The following MBTPS1 variants were observed in gnomAD, a reference collection of about 807,000 sequenced individuals.
MBTPS1 encodes the protein membrane-bound transcription factor site-1 protease.
A neutral mutation model predicts 127.8 loss-of-function variants in MBTPS1; 94 were observed. That is an observed-to-expected ratio of 0.74 (90% CI 0.62 to 0.87). MBTPS1 has a LOEUF of 0.87. Among genes scored for constraint, MBTPS1 ranks in the 40% least tolerant of loss-of-function variants. The pLI, the probability that MBTPS1 is intolerant of heterozygous loss-of-function variation, is 0.00. For synonymous variants in MBTPS1, 632 were observed against 509.4 expected, an observed-to-expected ratio of 1.24 and a Z score of -3.24; for missense variants, 1,636 against 1,353.2, an observed-to-expected ratio of 1.21 and a Z score of -3.28.
At chr16:84,084,930 G>A (rs1040238379) in intron 10 of MBTPS1, 53 bp downstream of exon 10, 23 of 1,576,874 alleles carry the variant, frequency 1.5e-5, no homozygotes, top group South Asian at 3.5e-5. Context: ...TGCTGGCACC[G>A]AGTGCTCCTG....
chr16:84,105,633 G>A (rs1187436136), intron 1 of MBTPS1, among the ~76,000 whole-genome samples: 1 of 152,206 alleles, frequency 6.6e-6, no homozygotes, highest in Admixed American at 6.5e-5. Flanking sequence ...CCAGCCTGAG[G>A]AGGGAGGCAA....
rs1567466815 is a variant in MBTPS1, at chr16:84,054,324, G to C, written c.*125C>G. 3 of 824,042 alleles carry C rather than the reference G, an allele frequency of 3.6e-6. No homozygotes were observed. Among genetic ancestry groups the C allele is most frequent in the South Asian group, 3.8e-5 (2 of 52,148 alleles). 51.0% of individuals were successfully genotyped at this position (824,042 alleles called of 1,614,324 possible). On this transcript the variant is annotated 3_prime_UTR_variant, in exon 23 of 23. Transcript: ENST00000343411. The stretch of plus-strand genomic sequence containing the variant: ...CAGGAGGGCAGGCCCATGTAGAACA[G>C]ACTCTAACAAACCTGCAGCTGGAAA...
At position 84,093,704 on chromosome 16, in the gene MBTPS1, G is replaced by C; in HGVS notation, c.736+7C>G. On this transcript the variant is annotated splice_region_variant and intron_variant, in intron 5 of 22. Coordinates refer to ENST00000343411, the MANE Select transcript of MBTPS1 (RefSeq NM_003791.4). ...ATGACCACGTTCTCACTGCTGCTGA[G>C]ACCCACCATCGTCCAGCGTTCGCTC... is the stretch of plus-strand genomic sequence containing the variant. 6.3e-7 allele frequency: 1 copy of C among 1,597,372 alleles called. No individual in the cohort carries two copies. The highest frequency in any genetic ancestry group is 8.6e-7 in the Non-Finnish European group (1 of 1,164,890).
Position 84,085,571 on chromosome 16 carries a change from G to GCT in MBTPS1, c.1135-438_1135-437insAG, listed in dbSNP as rs1567490507. 6.2e-5 allele frequency among the ~76,000 whole-genome samples: 5 copies of GCT among 80,830 alleles called. No individual in the cohort carries two copies. The East Asian group carries it at 1.8e-3, about 28-fold the overall frequency. 53.0% of individuals were successfully genotyped at this position (80,830 alleles called of 152,430 possible). On this transcript the variant is annotated intron_variant, in intron 9 of 22. Transcript: ENST00000343411. ...TCCTGTCCCCCTCAGCCCCGCACCC[G>GCT]CCCCCCCCCCAAAAAAAAAGAGAAA...
intron 16 of MBTPS1, among the ~76,000 whole-genome samples, chr16:84,066,895 T>A (rs2085692622): frequency 1.3e-5 from 2 of 152,166 alleles, no homozygotes; most frequent in Admixed American, 6.5e-5. Context: ...CCAGCAAGGT[T>A]CAGTGAAGGA....
At chr16:84,064,229 C>A (rs1049631032) in intron 18 of MBTPS1, among the ~76,000 whole-genome samples, 1 of 151,676 alleles carries the variant, frequency 6.6e-6, no homozygotes, top group Non-Finnish European at 1.5e-5. Context: ...TCTGAAATGT[C>A]TGTAGCTCTA....
intron 4 of MBTPS1, among the ~76,000 whole-genome samples, chr16:84,094,327 C>T (rs544475295): frequency 6.6e-6 from 1 of 152,310 alleles, no homozygotes; most frequent in African/African-American, 2.4e-5. Context: ...TTCAATGCTG[C>T]TCATTTATAA....
chr16:84,089,332 C>T (rs894619782), intron 8 of MBTPS1, among the ~76,000 whole-genome samples: 41 of 152,354 alleles, frequency 2.7e-4, no homozygotes, highest in African/African-American at 9.4e-4. Flanking sequence ...ATATATCACC[C>T]GCAGCTGCTT....
intron 3 of MBTPS1, among the ~76,000 whole-genome samples, chr16:84,098,384 G>A (rs1047454297): frequency 6.6e-6 from 1 of 152,220 alleles, no homozygotes; most frequent in Non-Finnish European, 1.5e-5. Context: ...GCTGAGGCAG[G>A]CAGATCACCT....
At chr16:84,093,371 T>C in intron 5 of MBTPS1, 74 bp from the exon 6 acceptor site, 1 of 1,008,826 alleles carries the variant, frequency 9.9e-7, no homozygotes, top group Non-Finnish European at 1.6e-6. Context: ...TTCCAGGCCA[T>C]GAGTTCCACG....
chr16:84,057,707 A>G (rs753784417), intron 21 of MBTPS1: 1 of 152,256 alleles, frequency 6.6e-6, no homozygotes, highest in African/African-American at 2.4e-5. Context: ...GGGACCGAGA[A>G]TAATTTTCAA....
chr16:84,078,066 T>A (rs145104663), intron 11 of MBTPS1, among the ~76,000 whole-genome samples: 2 of 152,356 alleles, frequency 1.3e-5, no homozygotes, highest in African/African-American at 4.8e-5. Flanking sequence ...CAGAGCACTC[T>A]GTCAGTGAGG....
At chr16:84,097,845 T>TGTGC (rs72247493) in intron 3 of MBTPS1, among the ~76,000 whole-genome samples, 3 of 150,628 alleles carry the variant, frequency 2.0e-5, no homozygotes, top group Non-Finnish European at 3.0e-5. Context: ...TTCGTGTGTG[T>TGTGC]GTGTGTGTGT....
chr16:84,093,575 G>A (rs779125764), intron 5 of MBTPS1, 136 bp downstream of exon 5: 7 of 701,652 alleles, frequency 1.0e-5, no homozygotes, highest in Middle Eastern at 2.5e-4. Flanking sequence ...GGTATTCAGA[G>A]CAGTTTCTGC....
chr16:84,112,018 T>C (rs1368875156), intron 1 of MBTPS1, among the ~76,000 whole-genome samples: 2 of 151,316 alleles, frequency 1.3e-5, no homozygotes, highest in African/African-American at 2.4e-5. Flanking sequence ...CTGGCCAACA[T>C]AGCAAAACCC....
Position 84,112,697 on chromosome 16 carries a change from G to A in MBTPS1, c.-325+4038C>T, listed in dbSNP as rs138730827. Reference sequence around the variant, plus strand: ...AAAAAAAACAAAAAAAGAATACGCCGGGCTCGGTGGCTCACAGCTATAACC... The same window carrying A: ...AAAAAAAACAAAAAAAGAATACGCCAGGCTCGGTGGCTCACAGCTATAACC... On this transcript the variant is annotated intron_variant, in intron 1 of 22. Transcript: ENST00000343411. 2.3e-3 allele frequency among the ~76,000 whole-genome samples: 336 copies of A among 147,152 alleles called. 1 individual carries two copies. The highest frequency in any genetic ancestry group is 8.2e-3 in the African/African-American group (326 of 39,932).
intron 1 of MBTPS1, among the ~76,000 whole-genome samples, chr16:84,102,738 TA>T (rs2151169770): frequency 6.6e-6 from 1 of 152,344 alleles, no homozygotes; most frequent in East Asian, 1.9e-4. Flanking sequence ...CTTTCTGCTG[TA>T]ACATTAATAC....
chr16:84,067,669 T>C lies in MBTPS1; in HGVS notation c.2226A>G (p.Thr742=), dbSNP rs2085706171. Reference sequence around the variant, plus strand: ...ATACCAATGCGTATCAACAGTACCTTGTGTTTTCATCATAAAACTTCACTT... The same window carrying C: ...ATACCAATGCGTATCAACAGTACCTCGTGTTTTCATCATAAAACTTCACTT... ...MRKVKFYDEN[T]RQWWMPDTGG... Residue 742 remains threonine, a splice_region_variant and synonymous_variant, in exon 16 of 23, where the codon ACA becomes ACG. Transcript: ENST00000343411. 6.2e-7 allele frequency: 1 copy of C among 1,611,170 alleles called. No homozygotes were observed. Among genetic ancestry groups the C allele is most frequent in the Non-Finnish European group, 8.5e-7 (1 of 1,177,536 alleles).
intron 1 of MBTPS1, among the ~76,000 whole-genome samples, chr16:84,105,080 G>T (rs1025459164): frequency 6.6e-6 from 1 of 151,758 alleles, no homozygotes; most frequent in Admixed American, 6.6e-5. Flanking sequence ...AGTCCCGCCT[G>T]GGTGACAGCG....
Sources: allele counts gnomAD v4.1 joint callset (sites outside exome capture counted in the v4.1 genomes callset), GRCh38; gene constraint gnomAD v4.1.1; transcripts MANE v1.5; gene names NCBI Gene and HGNC (gene_info 2026-07-23, HGNC 2026-07-21).